The following ASIC2 variants were observed in gnomAD, a reference collection of about 807,000 sequenced individuals.
ASIC2 encodes acid-sensing ion channel 2.
ASIC2 carries 25 observed loss-of-function variants against 57.3 expected under a neutral mutation model. The observed-to-expected ratio is 0.44, with a 90% CI of 0.32 to 0.61. The LOEUF is 0.61. Among genes scored for constraint, ASIC2 ranks in the 20% least tolerant of loss-of-function variants. The pLI is 0.06. For synonymous variants in ASIC2, 319 were observed against 307.5 expected, an observed-to-expected ratio of 1.04 and a Z score of -0.39; for missense variants, 641 against 738.1, an observed-to-expected ratio of 0.87 and a Z score of 1.52.
At chr17:34,018,270 G>A (rs370023749) in intron 1 of ASIC2, among the ~76,000 whole-genome samples, 289 of 152,296 alleles carry the variant, frequency 1.9e-3, no homozygotes, top group African/African-American at 6.7e-3. Context: ...TCTGTTTACA[G>A]CATGGTTTAC....
At chr17:33,513,347 A>G (rs1914481389) in intron 1 of ASIC2, among the ~76,000 whole-genome samples, 1 of 152,278 alleles carries the variant, frequency 6.6e-6, no homozygotes, top group African/African-American at 2.4e-5. Flanking sequence ...ATTGAGTGCT[A>G]TAAAATGTCC....
intron 1 of ASIC2, among the ~76,000 whole-genome samples, chr17:33,381,533 T>C (rs1909488720): frequency 6.6e-6 from 1 of 152,206 alleles, no homozygotes; most frequent in Non-Finnish European, 1.5e-5. Context: ...TGGAGTCAGA[T>C]AGTTCCAACT....
chr17:33,410,861 G>A (rs774862600), intron 1 of ASIC2, among the ~76,000 whole-genome samples: 2 of 152,234 alleles, frequency 1.3e-5, no homozygotes, highest in Non-Finnish European at 2.9e-5. Context: ...AAGAGCAGAT[G>A]TTTGTATCCA....
At chr17:33,713,132 G>A (rs961950864) in intron 1 of ASIC2, among the ~76,000 whole-genome samples, 5 of 152,158 alleles carry the variant, frequency 3.3e-5, no homozygotes, top group African/African-American at 1.2e-4. Context: ...TATTTATTAG[G>A]AACAGGTCAC....
chr17:34,156,496 G>A lies in ASIC2; in HGVS notation c.37C>T (p.Gln13Ter), dbSNP rs1293768824. The change falls in exon 1 of 10, where the codon CAA becomes TAA. Residue 13 changes from glutamine to a stop codon, truncating the protein, a stop_gained. Transcript: ENST00000359872. LOFTEE classifies it high-confidence loss of function. This position sits in a 1 kb window ranked among gnomAD's most constrained non-coding sequence, Gnocchi z 4.4. ...GCAAAGATCTGGATGCTAGAAGGTT[G>A]CAGGCTGCCCTCACTGGGGCTTTCC... 1 of 1,609,804 alleles carries A rather than the reference G, an allele frequency of 6.2e-7. No homozygotes were observed.
chr17:33,864,089 G>T (rs1914170645), intron 1 of ASIC2, among the ~76,000 whole-genome samples: 2 of 138,324 alleles, frequency 1.4e-5, no homozygotes, highest in South Asian at 4.5e-4. Flanking sequence ...TTTTAGTAGA[G>T]ACTGAGTTTT....
chr17:34,049,566 G>A lies in ASIC2; in HGVS notation c.555+106412C>T, dbSNP rs141261892. On this transcript the variant is annotated intron_variant, in intron 1 of 9. Transcript: ENST00000359872. ...TGATCAAGCCCATCCTCCCCAGTGG[G>A]GCTCATGAACACCTTGGTCACTCTG... 6.7e-3 allele frequency among the ~76,000 whole-genome samples: 1,016 copies of A among 152,146 alleles called. 19 individuals carry two copies. Among genetic ancestry groups the A allele is most frequent in the African/African-American group, 0.023 (974 of 41,512 alleles).
chr17:33,737,091 C>T (rs187955733), intron 1 of ASIC2, among the ~76,000 whole-genome samples: 68 of 152,376 alleles, frequency 4.5e-4, no homozygotes, highest in African/African-American at 1.6e-3. Context: ...TATTGGTAGA[C>T]ACTGACATTG....
At chr17:33,046,865 G>A (rs2091957471) in intron 3 of ASIC2, among the ~76,000 whole-genome samples, 1 of 152,224 alleles carries the variant, frequency 6.6e-6, no homozygotes, top group Non-Finnish European at 1.5e-5. Context: ...TGGAGGCCGG[G>A]CAGAGTCGTC....
At chr17:33,677,284 C>A (rs1907855947) in intron 1 of ASIC2, among the ~76,000 whole-genome samples, 2 of 152,204 alleles carry the variant, frequency 1.3e-5, no homozygotes, top group African/African-American at 4.8e-5. Context: ...AACAGGGTAA[C>A]TCTTTTGTTA....
intron 1 of ASIC2, among the ~76,000 whole-genome samples, chr17:33,703,215 T>C (rs761282434): frequency 6.6e-5 from 10 of 152,138 alleles, no homozygotes; most frequent in South Asian, 2.1e-4. Context: ...AGGGGGCAAA[T>C]GCTGAGTTGA....
At chr17:33,679,499 C>T (rs1231106939) in intron 1 of ASIC2, among the ~76,000 whole-genome samples, 2 of 152,134 alleles carry the variant, frequency 1.3e-5, no homozygotes, top group Non-Finnish European at 2.9e-5. Context: ...GCTCTGTGGT[C>T]CTGGGAGATG....
chr17:33,535,194 T>A (rs902936033), intron 1 of ASIC2, among the ~76,000 whole-genome samples: 3 of 152,094 alleles, frequency 2.0e-5, no homozygotes, highest in Non-Finnish European at 2.9e-5. Flanking sequence ...AAAACCTGCA[T>A]TTCTCAGGTT....
rs1912245002 is a variant in ASIC2 at position 33,805,534 on chromosome 17, C to T, written c.555+350444G>A. On this transcript the variant is annotated intron_variant, in intron 1 of 9. Transcript: ENST00000359872. ...AGAAAATGTGAGGAGTCTTAGAATC[C>T]AATGAGTGTCAAAGTTGCTGACTGA... Among the ~76,000 whole-genome samples, 3 of 152,190 alleles carry T rather than the reference C, an allele frequency of 2.0e-5. No homozygotes were observed. The South Asian group carries it at 6.2e-4, about 32-fold the overall frequency.
intron 1 of ASIC2, among the ~76,000 whole-genome samples, chr17:33,591,380 T>C (rs1393619113): frequency 6.6e-6 from 1 of 152,222 alleles, no homozygotes; most frequent in Non-Finnish European, 1.5e-5. Context: ...CCACTGGGGC[T>C]GCATTTCTCT....
intron 1 of ASIC2, among the ~76,000 whole-genome samples, chr17:33,878,770 C>G (rs1266100654): frequency 2.6e-5 from 4 of 152,160 alleles, no homozygotes; most frequent in Non-Finnish European, 5.9e-5. Context: ...CACAAAGATA[C>G]TCCTCGAGAA....
At chr17:33,164,597 CACACA>C (rs1213719790) in intron 1 of ASIC2, among the ~76,000 whole-genome samples, 3 of 151,868 alleles carry the variant, frequency 2.0e-5, no homozygotes, top group African/African-American at 7.3e-5. Context: ...CACACACACA[CACACA>C]CTTATACACA....
intron 1 of ASIC2, among the ~76,000 whole-genome samples, chr17:33,973,224 A>G (rs1905271786): frequency 1.3e-5 from 2 of 152,220 alleles, no homozygotes; most frequent in Non-Finnish European, 2.9e-5. Flanking sequence ...CCAAAGGGCC[A>G]AGGGTTATTC....
chr17:33,506,365 A>T (rs1459366221), intron 1 of ASIC2, among the ~76,000 whole-genome samples: 1 of 151,354 alleles, frequency 6.6e-6, no homozygotes, highest in African/African-American at 2.4e-5. Flanking sequence ...GCGAGCCAAG[A>T]TCTGGCCACT....
Sources: allele counts gnomAD v4.1 joint callset (sites outside exome capture counted in the v4.1 genomes callset), GRCh38; gene constraint gnomAD v4.1.1; non-coding constraint Gnocchi (gnomAD v3.1); transcripts MANE v1.5; gene names NCBI Gene and HGNC (gene_info 2026-07-23, HGNC 2026-07-21).